PAK1: variants seen among roughly 807,000 people sequenced by gnomAD.
PAK1 encodes the protein p21 (RAC1) activated kinase 1.
In PAK1, 29 loss-of-function variants were observed where a neutral mutation model predicts 67.4. That is an observed-to-expected ratio of 0.43 (90% CI 0.32 to 0.59). The LOEUF (loss-of-function observed/expected upper bound fraction) is 0.59. PAK1 is among the 20% of genes least tolerant of loss of function. PAK1 has a pLI of 0.07. For missense variants in PAK1, 337 were observed against 670.7 expected (o/e 0.50, Z 5.50); for synonymous variants, 223 against 237.4 (o/e 0.94, Z 0.56).
At chr11:77,381,690 C>T (rs764983240) in intron 2 of PAK1, among the ~76,000 whole-genome samples, 1 of 152,162 alleles carries the variant, frequency 6.6e-6, no homozygotes, top group Non-Finnish European at 1.5e-5. Flanking sequence ...TCTTACAATC[C>T]TATGAGATAA....
intron 1 of PAK1, among the ~76,000 whole-genome samples, chr11:77,449,628 T>C (rs1956768255): frequency 6.6e-6 from 1 of 151,576 alleles, no homozygotes; most frequent in Non-Finnish European, 1.5e-5. Context: ...CATTACAATG[T>C]TTGTGTTAGT....
At chr11:77,374,396 CA>C (rs1450143783) in intron 4 of PAK1, 31 bp from the exon 5 acceptor site, 7 of 1,513,104 alleles carry the variant, frequency 4.6e-6, no homozygotes, top group African/African-American at 1.4e-5. Context: ...GGGACTTAGT[CA>C]ATAACAGTTA....
the PAK1 span, among the ~76,000 whole-genome samples, chr11:77,507,076 A>AC: frequency 6.6e-6 from 1 of 152,240 alleles, no homozygotes; most frequent in East Asian, 1.9e-4. Flanking sequence ...CTAGCAGAGA[A>AC]AAAAGCTCTG....
At chr11:77,408,532 T>TACAC (rs377689850) in intron 1 of PAK1, among the ~76,000 whole-genome samples, 7,404 of 137,784 alleles carry the variant, frequency 0.054, 219 homozygotes, top group African/African-American at 0.069. Context: ...TATGGAGAAA[T>TACAC]ACACACACAC....
At chr11:77,387,162 G>A (rs1053097170) in intron 2 of PAK1, among the ~76,000 whole-genome samples, 16 of 145,276 alleles carry the variant, frequency 1.1e-4, no homozygotes, top group East Asian at 2.1e-4. Flanking sequence ...AACCTCTGCC[G>A]CCCAGATTCA....
upstream of PAK1, chr11:77,475,502 T>G (rs1448610312): frequency 2.6e-5 from 4 of 152,256 alleles, no homozygotes; most frequent in African/African-American, 9.6e-5. Flanking sequence ...ACCTGACTGC[T>G]TACACTAGCC....
chr11:77,455,476 T>C (rs1318350282), intron 1 of PAK1, among the ~76,000 whole-genome samples: 3 of 152,210 alleles, frequency 2.0e-5, no homozygotes, highest in African/African-American at 7.2e-5. Flanking sequence ...TAGTTCTCTA[T>C]CTAGCAACTG....
intron 5 of PAK1, among the ~76,000 whole-genome samples, chr11:77,371,036 A>T (rs1384354489): frequency 6.6e-6 from 1 of 152,200 alleles, no homozygotes; most frequent in Non-Finnish European, 1.5e-5. Context: ...ATCCTTGTTT[A>T]CATGTTCTGA....
chr11:77,376,279 A>G (rs1949075919), intron 4 of PAK1, among the ~76,000 whole-genome samples: 1 of 152,354 alleles, frequency 6.6e-6, no homozygotes, highest in African/African-American at 2.4e-5. Flanking sequence ...GATGGAACAG[A>G]AAGTGCTTCC....
chr11:77,325,402 G>T, intron 14 of PAK1: 1 of 1,610,308 alleles, frequency 6.2e-7, no homozygotes, highest in South Asian at 1.1e-5. Context: ...TAGAACCTAT[G>T]ACTCACAGAG....
At chr11:77,393,483 A>G (rs1951429737) in intron 1 of PAK1, among the ~76,000 whole-genome samples, 1 of 151,886 alleles carries the variant, frequency 6.6e-6, no homozygotes, top group African/African-American at 2.4e-5. Flanking sequence ...TTTTTTGGAG[A>G]CAAGAGTCTC....
intron 3 of PAK1, 91 bp from the exon 4 acceptor site, chr11:77,379,479 C>G (rs1949535453): frequency 1.8e-6 from 2 of 1,142,680 alleles, no homozygotes; most frequent in South Asian, 2.9e-5. Flanking sequence ...TTGCTAGCAG[C>G]AAAAGATGCA....
At chr11:77,504,180 A>G in the PAK1 span, among the ~76,000 whole-genome samples, 1 of 152,210 alleles carries the variant, frequency 6.6e-6, no homozygotes, top group African/African-American at 2.4e-5. Flanking sequence ...GGCGTGAGCC[A>G]CTGCACCCGG....
chr11:77,501,543 C>A, the PAK1 span, among the ~76,000 whole-genome samples: 1 of 152,196 alleles, frequency 6.6e-6, no homozygotes, highest in Non-Finnish European at 1.5e-5. Context: ...GCTGATCCCA[C>A]CCTGTTCCAG....
intron 1 of PAK1, among the ~76,000 whole-genome samples, chr11:77,427,784 T>C (rs1054304791): frequency 1.3e-5 from 2 of 152,242 alleles, no homozygotes; most frequent in Non-Finnish European, 2.9e-5. Flanking sequence ...GGACTGTTTA[T>C]GACTATAGAG....
chr11:77,325,646 CCA>C (rs775472093), intron 14 of PAK1, among the ~76,000 whole-genome samples: 2 of 152,088 alleles, frequency 1.3e-5, no homozygotes, highest in Admixed American at 6.5e-5. Context: ...TTCCCAGTGC[CCA>C]CAGTTTCCAG....
chr11:77,332,885 G>A lies in PAK1; in HGVS notation c.1414-18C>T, dbSNP rs771177004. ...TACAAGGCCTGGCAATAAAAATGGT[G>A]AATCACCTTGAGCTCCAAATGAGGC... On this transcript the variant is annotated intron_variant, in intron 13 of 14. Coordinates refer to ENST00000356341, the MANE Select transcript of PAK1 (RefSeq NM_002576.5). 3 of 1,611,788 alleles carry A rather than the reference G, an allele frequency of 1.9e-6. No individual in the cohort carries two copies. In the East Asian group the frequency reaches 6.7e-5, roughly 36 times the overall value.
At chr11:77,488,972 G>A in the PAK1 span, among the ~76,000 whole-genome samples, 1 of 152,104 alleles carries the variant, frequency 6.6e-6, no homozygotes, top group African/African-American at 2.4e-5. Context: ...GGTAGATTTA[G>A]CCCAAATAAA....
the PAK1 span, among the ~76,000 whole-genome samples, chr11:77,491,596 T>C: frequency 2.6e-5 from 4 of 152,170 alleles, no homozygotes; most frequent in African/African-American, 9.7e-5. Flanking sequence ...GCTTGTTAGT[T>C]TATGCAATCA....
Sources: allele counts gnomAD v4.1 joint callset (sites outside exome capture counted in the v4.1 genomes callset), GRCh38; gene constraint gnomAD v4.1.1; transcripts MANE v1.5; gene names NCBI Gene and HGNC (gene_info 2026-07-23, HGNC 2026-07-21).